SNX1: variants seen among roughly 807,000 people sequenced by gnomAD.
SNX1 encodes the protein sorting nexin 1.
In SNX1, 36 loss-of-function variants were observed where a neutral mutation model predicts 71.8. The observed-to-expected ratio is 0.50, with a 90% confidence interval of 0.38 to 0.66. The LOEUF (loss-of-function observed/expected upper bound fraction) is 0.66, where lower values mean the gene tolerates loss of function less well. Ranked by LOEUF, SNX1 falls within the 30% of genes least tolerant of loss-of-function variation. The pLI, the probability that SNX1 is intolerant of heterozygous loss-of-function variation, is 0.00. For missense variants in SNX1, 612 were observed against 646.7 expected, an observed-to-expected ratio of 0.95 and a Z score of 0.58; for synonymous variants, 254 against 240.7, an observed-to-expected ratio of 1.06 and a Z score of -0.51.
At chr15:64,122,136 C>A (rs764854656) in intron 4 of SNX1, among the ~76,000 whole-genome samples, 2 of 152,128 alleles carry the variant, frequency 1.3e-5, no homozygotes, top group Non-Finnish European at 2.9e-5. Flanking sequence ...TTTCTGTTTT[C>A]TCTGTGTTTG....
rs1446983525 is a variant in SNX1, at chr15:64,138,614, A to C, written c.*996A>C. On this transcript the variant is annotated 3_prime_UTR_variant, in exon 15 of 15. Transcript: ENST00000559844. ...TCCTGAACCTTAGGAGGTTCAAAGA[A>C]GCTCTACTGTCTGTGCCCAGGAGGT... The C allele has an allele frequency of 6.3e-6, 1 of 158,210 alleles. No individual in the cohort carries two copies. The allele number at this position is 158,210 out of a possible 1,614,324, so 9.8% of individuals were successfully genotyped here.
At position 64,143,013 on chromosome 15, in the gene SNX1, TG is replaced by T. The variant is rs1440028121; in HGVS notation, c.*5396del. ...GTGTGGTGATGGAGGGCGTGTCTTT[TG>T]CCGAGCACACTCAGGGCCCACGGGA... is the stretch of plus-strand genomic sequence containing the variant. On this transcript the variant is annotated 3_prime_UTR_variant, in exon 15 of 15. Transcript: ENST00000559844. 5.0e-6 allele frequency: 1 copy of T among 199,026 alleles called. No individual in the cohort carries two copies. Among genetic ancestry groups the T allele is most frequent in the Admixed American group, 5.8e-5 (1 of 17,312 alleles). 12.3% of individuals were successfully genotyped at this position (199,026 alleles called of 1,614,324 possible).
chr15:64,128,781 G>A (rs533787972), intron 8 of SNX1, among the ~76,000 whole-genome samples: 1 of 152,246 alleles, frequency 6.6e-6, no homozygotes, highest in South Asian at 2.1e-4. Flanking sequence ...GACACTTTGG[G>A]TCAGATAGTT....
rs397751585 is a variant in SNX1 at position 64,104,290 on chromosome 15, T to TG, written c.159+8121dup. ...GTAAAGGGTTTTTTTTTTTTTTTTTTGGGACGGAGTCTCGCTGTGTCGCCC... is the reference window on the plus strand; with the variant it reads ...GTAAAGGGTTTTTTTTTTTTTTTTTTGGGGACGGAGTCTCGCTGTGTCGCCC... On this transcript the variant is annotated intron_variant, in intron 1 of 14. Transcript: ENST00000559844. Among the ~76,000 whole-genome samples, 369 of 149,852 alleles carry TG rather than the reference T, an allele frequency of 2.5e-3. 2 individuals carry two copies. Among genetic ancestry groups the TG allele is most frequent in the African/African-American group, 8.1e-3 (329 of 40,808 alleles).
chr15:64,127,360 A>G, intron 7 of SNX1, 108 bp downstream of exon 7: 1 of 854,200 alleles, frequency 1.2e-6, no homozygotes, highest in Non-Finnish European at 1.8e-6. Flanking sequence ...AAACGTGAAT[A>G]AATTGAAGTT....
chr15:64,119,632 G>A (rs2081170761), intron 4 of SNX1, among the ~76,000 whole-genome samples: 1 of 151,784 alleles, frequency 6.6e-6, no homozygotes, highest in Admixed American at 6.6e-5. Flanking sequence ...GCTGAGGCCA[G>A]AGAATCGCTT....
At chr15:64,117,428 T>C (rs2081141416) in intron 2 of SNX1, among the ~76,000 whole-genome samples, 1 of 152,110 alleles carries the variant, frequency 6.6e-6, no homozygotes, top group South Asian at 2.1e-4. Flanking sequence ...TACTGTTTTT[T>C]TGTATTTTTA....
At chr15:64,130,459 T>A in intron 10 of SNX1, 138 bp downstream of exon 10, 2 of 693,900 alleles carry the variant, frequency 2.9e-6, no homozygotes, top group Admixed American at 2.5e-5. Flanking sequence ...GATGTTCTGA[T>A]AAAAAAAAGG....
Position 64,134,510 on chromosome 15 carries a change from A to C in SNX1, c.1222-154A>C, listed in dbSNP as rs2081337098. On this transcript the variant is annotated intron_variant, in intron 11 of 14. Coordinates refer to ENST00000559844, the MANE Select transcript of SNX1 (RefSeq NM_003099.5). The surrounding 1 kb of genome is among the most constrained non-coding windows in gnomAD (Gnocchi z 4.1). ...TCTTACCCAAGCTTTGCTCCTAGAC[A>C]TTAAACTTCCCAGCTGGGCACTAAC... 1.2e-6 allele frequency: 1 copy of C among 841,886 alleles called. No individual in the cohort carries two copies. Among genetic ancestry groups the C allele is most frequent in the Non-Finnish European group, 1.8e-6 (1 of 556,910 alleles). The allele number at this position is 841,886 out of a possible 1,614,324, so 52.2% of individuals were successfully genotyped here.
At chr15:64,104,560 A>G (rs1567316966) in intron 1 of SNX1, among the ~76,000 whole-genome samples, 1 of 149,772 alleles carries the variant, frequency 6.7e-6, no homozygotes, top group Non-Finnish European at 1.5e-5. Context: ...GGCGTGAGCC[A>G]CTGCGCCCGG....
chr15:64,117,796 A>G (rs2081146302), intron 2 of SNX1, among the ~76,000 whole-genome samples: 1 of 152,186 alleles, frequency 6.6e-6, no homozygotes, highest in South Asian at 2.1e-4. Context: ...TGTCTAAAAA[A>G]TAAATAAAAT....
chr15:64,114,759 A>C (rs571333081), intron 2 of SNX1, among the ~76,000 whole-genome samples: 1 of 152,342 alleles, frequency 6.6e-6, no homozygotes, highest in East Asian at 1.9e-4. Context: ...TAGAAGAAAG[A>C]ATAGAAAAAT....
chr15:64,108,980 T>C (rs1311557934), intron 1 of SNX1, among the ~76,000 whole-genome samples: 1 of 138,158 alleles, frequency 7.2e-6, no homozygotes, highest in Non-Finnish European at 1.5e-5. Context: ...AGAGTGAGAT[T>C]CCATCTCAAA....
At chr15:64,130,468 G>T in intron 10 of SNX1, 147 bp downstream of exon 10, 1 of 666,890 alleles carries the variant, frequency 1.5e-6, no homozygotes, top group Non-Finnish European at 2.6e-6. Flanking sequence ...ATAAAAAAAA[G>T]GTATGCCCTG....
At chr15:64,117,037 T>C (rs1035408274) in intron 2 of SNX1, among the ~76,000 whole-genome samples, 7 of 152,186 alleles carry the variant, frequency 4.6e-5, no homozygotes, top group Non-Finnish European at 1.0e-4. Flanking sequence ...TCTAAACCAT[T>C]AGGAAAAATT....
intron 12 of SNX1, 99 bp from the exon 13 acceptor site, chr15:64,136,231 A>T (rs1049508313): frequency 1.7e-5 from 15 of 878,280 alleles, no homozygotes; most frequent in Non-Finnish European, 2.5e-5. Context: ...AGACATAATG[A>T]TCAATTGAGC....
Position 64,142,645 on chromosome 15 carries a change from C to T in SNX1, c.*5027C>T, listed in dbSNP as rs1468016585. ...TCTGAGATAGGAATGTCATATTTACCTATTTAAGCCAAGTTTTTTTAGATA... is the reference window on the plus strand; with the variant it reads ...TCTGAGATAGGAATGTCATATTTACTTATTTAAGCCAAGTTTTTTTAGATA... On this transcript the variant is annotated 3_prime_UTR_variant, in exon 15 of 15. Coordinates refer to ENST00000559844, the MANE Select transcript of SNX1 (RefSeq NM_003099.5). 6.6e-6 allele frequency: 3 copies of T among 455,796 alleles called. No individual in the cohort carries two copies. Among genetic ancestry groups the T allele is most frequent in the African/African-American group, 4.0e-5 (2 of 50,018 alleles). 28.2% of individuals were successfully genotyped at this position (455,796 alleles called of 1,614,324 possible). A position where few individuals can be genotyped will look rare whatever the true frequency, so the allele number is the denominator to read the frequency against.
chr15:64,128,005 G>T (rs1477279521), intron 8 of SNX1, among the ~76,000 whole-genome samples, 199 bp downstream of exon 8: 1 of 152,222 alleles, frequency 6.6e-6, no homozygotes, highest in Non-Finnish European at 1.5e-5. Context: ...AAAGCAGTTG[G>T]TTGTAAGGGT....
intron 10 of SNX1, 26 bp from the exon 11 acceptor site, chr15:64,131,661 C>A (rs559276564): frequency 1.0e-4 from 161 of 1,608,178 alleles, no homozygotes; most frequent in Middle Eastern, 3.7e-4. Context: ...ATCAGAGAGG[C>A]CTCTGCTGTC....
Sources: gnomAD v4.1 joint callset for allele counts (sites outside exome capture counted in the v4.1 genomes callset) on GRCh38, gnomAD v4.1.1 for gene constraint, Gnocchi (gnomAD v3.1) non-coding constraint, MANE v1.5 for transcripts, NCBI Gene and HGNC (gene_info 2026-07-23, HGNC 2026-07-21) for gene names.